Variants in PCID2 observed in about 807,000 individuals in gnomAD.
PCID2 encodes PCI domain containing 2.
A neutral mutation model predicts 61.3 loss-of-function variants in PCID2; 41 were observed. The ratio of observed to expected loss-of-function variants is 0.67; its 90% CI spans 0.52 to 0.87. PCID2 has a LOEUF of 0.87. Ranked by LOEUF, PCID2 falls within the 40% of genes least tolerant of loss-of-function variation. PCID2 has a pLI of 0.00. For synonymous variants in PCID2, 187 were observed against 177.8 expected (o/e 1.05, Z -0.41); for missense variants, 392 against 493.4 (o/e 0.79, Z 1.95).
intron 4 of PCID2, 82 bp downstream of exon 4, chr13:113,197,096 C>T (rs763697183): frequency 6.2e-7 from 1 of 1,614,024 alleles, no homozygotes; most frequent in African/African-American, 1.3e-5. Context: ...AGCAACTGGC[C>T]CAGTGTTTCC....
downstream of PCID2, among the ~76,000 whole-genome samples, chr13:113,175,589 G>A (rs771323237): frequency 5.9e-5 from 9 of 152,172 alleles, no homozygotes; most frequent in South Asian, 2.1e-4. Context: ...AAACAGATGC[G>A]CGCCCAAAGC....
intron 8 of PCID2, among the ~76,000 whole-genome samples, chr13:113,184,935 C>G (rs1409102320): frequency 6.6e-6 from 1 of 151,956 alleles, no homozygotes; most frequent in Non-Finnish European, 1.5e-5. Flanking sequence ...GAAGCCGTTC[C>G]AGGGGGCGCA....
chr13:113,190,845 G>A (rs894848101), intron 7 of PCID2, 27 bp downstream of exon 7: 8 of 1,416,376 alleles, frequency 5.6e-6, no homozygotes, highest in Non-Finnish European at 7.9e-6. Flanking sequence ...ACAGCGTCTG[G>A]TGGTCGGTCC....
At chr13:113,200,402 C>G in intron 2 of PCID2, 25 bp downstream of exon 2, 1 of 1,418,904 alleles carries the variant, frequency 7.0e-7, no homozygotes, top group Non-Finnish European at 1.0e-6. Flanking sequence ...CTGCAGACAC[C>G]TGTGTGCACA....
intron 4 of PCID2, 160 bp downstream of exon 4, chr13:113,197,018 C>A (rs780386647): frequency 6.2e-6 from 10 of 1,609,108 alleles, no homozygotes; most frequent in Non-Finnish European, 8.5e-6. Flanking sequence ...AATTTAAGTA[C>A]CCAAGTGAAA....
downstream of PCID2, among the ~76,000 whole-genome samples, chr13:113,176,868 C>T (rs370468157): frequency 1.3e-5 from 2 of 152,154 alleles, no homozygotes; most frequent in African/African-American, 2.4e-5. Flanking sequence ...CCCCAGAAGC[C>T]GACCGTGCTG....
chr13:113,178,360 A>C, intron 13 of PCID2, 73 bp from the exon 14 acceptor site: 1 of 1,127,004 alleles, frequency 8.9e-7, no homozygotes. Context: ...GGGTGATCTA[A>C]TTAATTTGGC....
chr13:113,204,810 G>A (rs1477953494), intron 1 of PCID2, among the ~76,000 whole-genome samples: 1 of 152,184 alleles, frequency 6.6e-6, no homozygotes, highest in Non-Finnish European at 1.5e-5. Flanking sequence ...TGGCGCCGCA[G>A]TGGACACAGG....
intron 1 of PCID2, chr13:113,208,395 G>A: frequency 6.9e-7 from 1 of 1,441,910 alleles, no homozygotes; most frequent in Non-Finnish European, 9.1e-7. Context: ...GGCCCCCACG[G>A]CGGCCCTGCA....
the PCID2 span, chr13:113,170,486 C>T: frequency 1.9e-4 from 301 of 1,608,294 alleles, 4 homozygotes; most frequent in South Asian, 3.2e-3. Context: ...GTACTGACAA[C>T]AGCAAAATGT....
chr13:113,176,430 T>C (rs1308697472), downstream of PCID2, among the ~76,000 whole-genome samples: 1 of 3,656 alleles, frequency 2.7e-4, no homozygotes, highest in Non-Finnish European at 0.1. Flanking sequence ...AATGTGGTCA[T>C]AAGGGTGAGG....
At chr13:113,176,275 A>T (rs1233213858), downstream of PCID2, among the ~76,000 whole-genome samples, 2 of 152,218 alleles carry the variant, frequency 1.3e-5, no homozygotes, top group Admixed American at 1.3e-4. Flanking sequence ...TCTTTAGTAA[A>T]TTTTTTATAA....
chr13:113,200,401 C>T (rs3751413), intron 2 of PCID2, 26 bp downstream of exon 2: 1,025,968 of 1,392,296 alleles, frequency 0.74, 383,630 homozygotes, highest in Non-Finnish European at 0.78. Context: ...TCTGCAGACA[C>T]CTGTGTGCAC....
At chr13:113,171,575 C>T in the PCID2 span, 12 of 1,613,836 alleles carry the variant, frequency 7.4e-6, no homozygotes, top group Middle Eastern at 1.6e-4. This position sits in a 1 kb window ranked among gnomAD's most constrained non-coding sequence, Gnocchi z 5.1. Context: ...AAAGAACTGA[C>T]GATTGTTCAT....
In PCID2 at chr13:113,183,988, G is replaced by A. The variant is rs56749365; in HGVS notation, c.685+358C>T. 3.9e-3 allele frequency: 3,797 copies of A among 985,172 alleles called. 278 individuals carry two copies. The East Asian group carries it at 0.21, about 55-fold the overall frequency. 61.0% of individuals were successfully genotyped at this position (985,172 alleles called of 1,614,324 possible). On this transcript the variant is annotated intron_variant, in intron 9 of 13. Coordinates refer to ENST00000337344, the MANE Select transcript of PCID2 (RefSeq NM_001127202.4). ...CATGAAGTCAGTCGCTGAACTAAAT[G>A]TTGTCCTAATCTCCATTTCCTATGT...
chr13:113,185,621 A>G, intron 7 of PCID2, 61 bp from the exon 8 acceptor site: 1 of 1,079,272 alleles, frequency 9.3e-7, no homozygotes, highest in Middle Eastern at 2.1e-4. Flanking sequence ...TATAAATCAC[A>G]AAATAAACTG....
intron 4 of PCID2, among the ~76,000 whole-genome samples, chr13:113,196,707 C>T (rs925375639): frequency 1.3e-5 from 2 of 152,226 alleles, no homozygotes; most frequent in African/African-American, 4.8e-5. Flanking sequence ...CCTTAGCACA[C>T]TCACTGACTC....
At chr13:113,172,136 C>A in the PCID2 span, 7 of 1,608,650 alleles carry the variant, frequency 4.4e-6, no homozygotes, top group South Asian at 6.6e-5. Flanking sequence ...ATGAACAACA[C>A]AACCGGAAGC....
intron 7 of PCID2, chr13:113,187,752 C>A (rs1382644092): frequency 6.6e-6 from 1 of 152,220 alleles, no homozygotes; most frequent in Middle Eastern, 3.4e-3. Context: ...GGATATTAGG[C>A]CCTTATCAGA....
Sources: allele counts gnomAD v4.1 joint callset (sites outside exome capture counted in the v4.1 genomes callset), GRCh38; gene constraint gnomAD v4.1.1; non-coding constraint Gnocchi (gnomAD v3.1); transcripts MANE v1.5; gene names NCBI Gene and HGNC (gene_info 2026-07-23, HGNC 2026-07-21).